SYPL1: variants seen among roughly 807,000 people sequenced by gnomAD.
SYPL1 encodes synaptophysin like 1.
SYPL1 carries 6 observed loss-of-function variants against 23.7 expected under a neutral mutation model. The observed-to-expected ratio is 0.25, with a 90% confidence interval of 0.14 to 0.50. The LOEUF is 0.50. Ranked by LOEUF, SYPL1 falls within the 20% of genes least tolerant of loss-of-function variation. The pLI is 0.98. For missense variants in SYPL1, 253 were observed against 288.9 expected, an observed-to-expected ratio of 0.88 and a Z score of 0.90; for synonymous variants, 102 against 104.5, an observed-to-expected ratio of 0.98 and a Z score of 0.15.
intron 3 of SYPL1, among the ~76,000 whole-genome samples, chr7:106,094,380 A>G (rs1221960530): frequency 6.6e-6 from 1 of 152,244 alleles, no homozygotes; most frequent in Non-Finnish European, 1.5e-5. Context: ...TAGCTTGCCC[A>G]CTTGGTCAAG....
chr7:106,105,259 T>C (rs1307596897), intron 1 of SYPL1, among the ~76,000 whole-genome samples: 2 of 152,036 alleles, frequency 1.3e-5, no homozygotes, highest in African/African-American at 4.8e-5. Flanking sequence ...TTTCCAACCC[T>C]AGTCTAAAAT....
chr7:106,108,245 G>A (rs1443226452), intron 1 of SYPL1, among the ~76,000 whole-genome samples: 1 of 152,006 alleles, frequency 6.6e-6, no homozygotes, highest in Non-Finnish European at 1.5e-5. Context: ...TTTTCTAATT[G>A]CTCTACTATT....
intron 1 of SYPL1, among the ~76,000 whole-genome samples, chr7:106,111,098 G>A (rs1485127713): frequency 6.6e-6 from 1 of 152,180 alleles, no homozygotes; most frequent in Non-Finnish European, 1.5e-5. Context: ...TGGTGAAATT[G>A]CCTAACCCCT....
chr7:106,102,749 C>T (rs1249953492), intron 1 of SYPL1, among the ~76,000 whole-genome samples: 2 of 152,182 alleles, frequency 1.3e-5, no homozygotes, highest in Non-Finnish European at 1.5e-5. Flanking sequence ...GTCAACAGAC[C>T]TTTGTTTTAA....
At chr7:106,107,511 C>A (rs969899812) in intron 1 of SYPL1, among the ~76,000 whole-genome samples, 3 of 152,096 alleles carry the variant, frequency 2.0e-5, no homozygotes, top group Non-Finnish European at 2.9e-5. Flanking sequence ...GAGGCCAGGG[C>A]GGACGGACTA....
At chr7:106,093,224 T>G (rs1839847974) in intron 3 of SYPL1, 87 bp from the exon 4 acceptor site, 1 of 1,270,976 alleles carries the variant, frequency 7.9e-7, no homozygotes. Context: ...TGAGATTACA[T>G]TCAACCTTAT....
At position 106,109,633 on chromosome 7, in the gene SYPL1, C is replaced by T. The variant is rs1790044035; in HGVS notation, c.69+2507G>A. 6.6e-6 allele frequency among the ~76,000 whole-genome samples: 1 copy of T among 152,178 alleles called. No homozygotes were observed. The highest frequency in any genetic ancestry group is 2.4e-5 in the African/African-American group (1 of 41,444). On this transcript the variant is annotated intron_variant, in intron 1 of 4. Coordinates refer to ENST00000455385, the MANE Select transcript of SYPL1 (RefSeq NM_182715.4). The surrounding 1 kb of genome is among the most constrained non-coding windows in gnomAD (Gnocchi z 4.3). ...ACCTCCAAAAGATCTAAAGAGACCA[C>T]AAACTCAATACATCTGAAACCTTTG...
intron 1 of SYPL1, among the ~76,000 whole-genome samples, chr7:106,107,106 AT>A (rs758480165): frequency 2.6e-5 from 4 of 152,252 alleles, no homozygotes; most frequent in Non-Finnish European, 4.4e-5. Flanking sequence ...ATAAAAGTAT[AT>A]TATGTATGAG....
In SYPL1 at chr7:106,100,139, T is replaced by C. The variant is rs565319072; in HGVS notation, c.70-857A>G. On this transcript the variant is annotated intron_variant, in intron 1 of 4. Coordinates refer to ENST00000455385, the MANE Select transcript of SYPL1 (RefSeq NM_182715.4). The surrounding 1 kb of genome is among the most constrained non-coding windows in gnomAD (Gnocchi z 5.1). ...GAGGTTGTCAGCAGAGAAGAGACACTATTTCATGAGCCTGTTAAACCTCCC... is the reference window on the plus strand; with the variant it reads ...GAGGTTGTCAGCAGAGAAGAGACACCATTTCATGAGCCTGTTAAACCTCCC... 1.3e-5 allele frequency among the ~76,000 whole-genome samples: 2 copies of C among 152,322 alleles called. No individual in the cohort carries two copies. The highest frequency in any genetic ancestry group is 4.1e-4 in the South Asian group (2 of 4,830).
At chr7:106,099,317 A>G in intron 1 of SYPL1, 35 bp from the exon 2 acceptor site, 1 of 1,588,856 alleles carries the variant, frequency 6.3e-7, no homozygotes, top group Non-Finnish European at 8.5e-7. Context: ...ACAAAAGAAA[A>G]AAAAGATAAG....
At chr7:106,110,755 TTTA>T (rs1585946024) in intron 1 of SYPL1, among the ~76,000 whole-genome samples, 1 of 130,334 alleles carries the variant, frequency 7.7e-6, no homozygotes, top group East Asian at 2.5e-4. Context: ...TCTACAGTTG[TTTA>T]AAAACTTGAC....
intron 1 of SYPL1, 29 bp downstream of exon 1, chr7:106,112,111 C>G (rs368282084): frequency 7.1e-7 from 1 of 1,415,066 alleles, no homozygotes; most frequent in Non-Finnish European, 9.4e-7. Context: ...GAGCGGCAGG[C>G]GGGCCTGGCC....
At chr7:106,098,772 A>G (rs1840159412) in intron 2 of SYPL1, among the ~76,000 whole-genome samples, 1 of 152,236 alleles carries the variant, frequency 6.6e-6, no homozygotes, top group African/African-American at 2.4e-5. Flanking sequence ...AGCAATTACA[A>G]AAAACACTGA....
intron 1 of SYPL1, among the ~76,000 whole-genome samples, chr7:106,106,345 C>T (rs751071682): frequency 3.3e-5 from 5 of 151,764 alleles, no homozygotes; most frequent in East Asian, 1.9e-4. Context: ...GTCAGGTGTT[C>T]GAAACCAGCC....
chr7:106,102,766 A>G (rs1840394903), intron 1 of SYPL1, among the ~76,000 whole-genome samples: 1 of 152,236 alleles, frequency 6.6e-6, no homozygotes, highest in South Asian at 2.1e-4. Flanking sequence ...TTAAACTGCT[A>G]AGCTCGGCGT....
At chr7:106,094,577 T>C (rs1005476901) in intron 3 of SYPL1, among the ~76,000 whole-genome samples, 1 of 152,220 alleles carries the variant, frequency 6.6e-6, no homozygotes, top group African/African-American at 2.4e-5. Flanking sequence ...TCCCCCCTTT[T>C]TACTGCTGTA....
chr7:106,107,571 G>A (rs1211892053), intron 1 of SYPL1, among the ~76,000 whole-genome samples: 8 of 151,718 alleles, frequency 5.3e-5, no homozygotes, highest in Admixed American at 2.6e-4. Context: ...GTGAAACCCC[G>A]TCTCTACTAA....
At position 106,112,298 on chromosome 7, in the gene SYPL1, AG is replaced by A; in HGVS notation, c.-91del. 7.4e-7 allele frequency: 1 copy of A among 1,342,424 alleles called. No homozygotes were observed. The highest frequency in any genetic ancestry group is 9.7e-7 in the Non-Finnish European group (1 of 1,030,854). 83.2% of individuals were successfully genotyped at this position (1,342,424 alleles called of 1,614,324 possible). The stretch of plus-strand genomic sequence containing the variant: ...GAGCAGCCCGGTGGCGAGGAAGGGC[AG>A]GCGGGGCTGGCGCGCTGGCCGGGCT... On this transcript the variant is annotated 5_prime_UTR_variant, in exon 1 of 5. Transcript: ENST00000455385.
Position 106,097,987 on chromosome 7 carries a change from C to A in SYPL1, c.195-90G>T. The A allele has an allele frequency of 2.0e-6, 2 of 1,016,040 alleles. No individual in the cohort carries two copies. Among genetic ancestry groups the A allele is most frequent in the South Asian group, 1.8e-5 (1 of 56,858 alleles). The allele number at this position is 1,016,040 out of a possible 1,614,324, so 62.9% of individuals were successfully genotyped here. On this transcript the variant is annotated intron_variant, in intron 2 of 4. Coordinates refer to ENST00000455385, the MANE Select transcript of SYPL1 (RefSeq NM_182715.4). The surrounding 1 kb of genome is among the most constrained non-coding windows in gnomAD (Gnocchi z 4.6). ...AATGAGTGACACTTCAAAAAATACTCCCCAAATATATTAAAAACATTCCTT... is the reference window on the plus strand; with the variant it reads ...AATGAGTGACACTTCAAAAAATACTACCCAAATATATTAAAAACATTCCTT...
Sources: gnomAD v4.1 joint callset for allele counts (sites outside exome capture counted in the v4.1 genomes callset) on GRCh38, gnomAD v4.1.1 for gene constraint, Gnocchi (gnomAD v3.1) non-coding constraint, MANE v1.5 for transcripts, NCBI Gene and HGNC (gene_info 2026-07-23, HGNC 2026-07-21) for gene names.